Variants in PCNX2 observed in about 807,000 individuals in gnomAD.
PCNX2 encodes the protein pecanex-like protein 2.
Under a neutral mutation model 223.8 loss-of-function variants are expected in PCNX2, and 168 were observed. The ratio of observed to expected loss-of-function variants is 0.75; its 90% CI spans 0.66 to 0.85. PCNX2 has a LOEUF of 0.85. Ranked by LOEUF, PCNX2 falls within the 40% of genes least tolerant of loss-of-function variation. PCNX2 has a pLI of 0.00. For synonymous variants in PCNX2, 1,006 were observed against 1,052.6 expected, an observed-to-expected ratio of 0.96 and a Z score of 0.86; for missense variants, 2,507 against 2,675.5, an observed-to-expected ratio of 0.94 and a Z score of 1.39.
At chr1:233,195,086 T>C (rs1444741165) in intron 15 of PCNX2, among the ~76,000 whole-genome samples, 1 of 151,738 alleles carries the variant, frequency 6.6e-6, no homozygotes, top group Non-Finnish European at 1.5e-5. Flanking sequence ...AAAATATTGG[T>C]AAATAATATT....
chr1:233,082,538 C>T (rs765307179), intron 23 of PCNX2, among the ~76,000 whole-genome samples: 2 of 152,168 alleles, frequency 1.3e-5, no homozygotes, highest in African/African-American at 4.8e-5. Flanking sequence ...TATGGGGTAA[C>T]TTAACTGCAA....
chr1:233,049,197 C>T (rs1347209736), intron 25 of PCNX2, among the ~76,000 whole-genome samples: 1 of 152,072 alleles, frequency 6.6e-6, no homozygotes, highest in African/African-American at 2.4e-5. Flanking sequence ...AAGAAAATGA[C>T]AGGCCAATAT....
intron 19 of PCNX2, among the ~76,000 whole-genome samples, chr1:233,146,401 GA>G (rs1333225704): frequency 6.6e-6 from 1 of 152,080 alleles, no homozygotes; most frequent in Admixed American, 6.6e-5. Flanking sequence ...GTACTTTTCT[GA>G]TTATGAAATA....
At chr1:233,212,624 C>T (rs747565038) in intron 12 of PCNX2, among the ~76,000 whole-genome samples, 4 of 152,140 alleles carry the variant, frequency 2.6e-5, no homozygotes, top group South Asian at 2.1e-4. Context: ...CCGCTATCTC[C>T]TAGTTCACGT....
intron 1 of PCNX2, among the ~76,000 whole-genome samples, chr1:233,278,493 G>C (rs1343908206): frequency 6.6e-6 from 1 of 152,242 alleles, no homozygotes; most frequent in Non-Finnish European, 1.5e-5. Flanking sequence ...CACCATGATG[G>C]AAAGGGGGTC....
intron 28 of PCNX2, among the ~76,000 whole-genome samples, chr1:233,006,713 A>T (rs1670296661): frequency 6.6e-6 from 1 of 152,176 alleles, no homozygotes; most frequent in Non-Finnish European, 1.5e-5. Flanking sequence ...TTGTTTAGTT[A>T]ATTTCCAAAC....
Position 233,208,565 on chromosome 1 carries a change from T to A in PCNX2, c.2816A>T (p.Lys939Met), listed in dbSNP as rs371519936. 1.9e-4 allele frequency: 313 copies of A among 1,613,604 alleles called. 1 individual carries two copies. The highest frequency in any genetic ancestry group is 2.5e-4 in the Non-Finnish European group (296 of 1,179,832). ...TTGTAGAAACACTGGAGAGAAGAGC[T>A]TCAGGCCATACACAACGTAACTGGG... Reference protein sequence around the residue: ...HPPSYVVYGLKLFSPVFLQSA... With the variant: ...HPPSYVVYGLMLFSPVFLQSA... Residue 939 changes from lysine to methionine, a missense_variant, in exon 13 of 34, where the codon AAG becomes ATG. Coordinates refer to ENST00000258229, the MANE Select transcript of PCNX2 (RefSeq NM_014801.4).
At position 233,259,188 on chromosome 1, in the gene PCNX2, T is replaced by C. The variant is rs780725236; in HGVS notation, c.674A>G (p.Asn225Ser). The C allele has an allele frequency of 6.2e-7, 1 of 1,613,868 alleles. No homozygotes were observed. Among genetic ancestry groups the C allele is most frequent in the Non-Finnish European group, 8.5e-7 (1 of 1,179,882 alleles). Residue 225 changes from asparagine to serine, a missense_variant, in exon 5 of 34, where the codon AAT becomes AGT. Asn to Ser is a conservative substitution (Grantham distance 46). Coordinates refer to ENST00000258229, the MANE Select transcript of PCNX2 (RefSeq NM_014801.4). ...GCCTCCTCTTTCCTTTCCTTTACCA[T>C]TGATGAGAGTTTCTGTGGCAACTGG... ...VKPVATETLI[N>S]GKGKERGGKG...
chr1:233,195,058 G>T (rs747957133), intron 15 of PCNX2, among the ~76,000 whole-genome samples: 4 of 148,376 alleles, frequency 2.7e-5, no homozygotes, highest in Non-Finnish European at 6.0e-5. Context: ...AAACTTCATA[G>T]ACATCAAATT....
rs872184 is a variant in PCNX2, at chr1:233,126,407, C to T, written c.3837+8606G>A. On this transcript the variant is annotated intron_variant, in intron 21 of 33. Transcript: ENST00000258229. The surrounding 1 kb of genome is among the most constrained non-coding windows in gnomAD (Gnocchi z 4.8). ...CAAAAGGAAGAGGCAACATGATATG[C>T]ACTGTCATGGAAAAGTCTTCTAACA... Among the ~76,000 whole-genome samples, 28,474 of 151,910 alleles carry T rather than the reference C, an allele frequency of 0.19. 2,792 individuals carry two copies. Among genetic ancestry groups the T allele is most frequent in the East Asian group, 0.26 (1,355 of 5,156 alleles).
At chr1:233,229,201 A>C (rs1383978415) in intron 9 of PCNX2, among the ~76,000 whole-genome samples, 4 of 152,208 alleles carry the variant, frequency 2.6e-5, no homozygotes, top group African/African-American at 7.2e-5. Flanking sequence ...CCAGATGCTA[A>C]TCTGCTTACT....
In PCNX2 at chr1:233,288,140, GTTTAAAATTTACCA is replaced by G. The variant is rs577118268; in HGVS notation, c.153+7172_153+7185del. ...ACGATATAGCAATAAGATATTTAAT[GTTTAAAATTTACCA>G]TTTAGGAGACCAAATGATTAAAGCC... On this transcript the variant is annotated intron_variant, in intron 1 of 33. Transcript: ENST00000258229. Among the ~76,000 whole-genome samples the G allele has an allele frequency of 3.4e-3, 513 of 152,260 alleles. 3 individuals are homozygous for G. The highest frequency in any genetic ancestry group is 5.7e-3 in the Non-Finnish European group (388 of 68,006).
chr1:233,318,231 A>G, the PCNX2 span, among the ~76,000 whole-genome samples: 1 of 152,200 alleles, frequency 6.6e-6, no homozygotes, highest in African/African-American at 2.4e-5. Context: ...AAAAATAACT[A>G]AAAGTTGGGG....
chr1:233,002,887 A>C (rs1207494622), intron 28 of PCNX2, among the ~76,000 whole-genome samples: 1 of 149,468 alleles, frequency 6.7e-6, no homozygotes, highest in Non-Finnish European at 1.5e-5. Flanking sequence ...CAAACCTGAC[A>C]AAAACAAGCA....
intron 12 of PCNX2, chr1:233,211,786 C>T (rs1572085937): frequency 1.0e-6 from 1 of 985,384 alleles, no homozygotes; most frequent in South Asian, 4.7e-5. Context: ...ATACTCACCA[C>T]TCTTTAAACA....
chr1:233,212,933 C>T lies in PCNX2; in HGVS notation c.2692-4244G>A, dbSNP rs117952427. 5.6e-4 allele frequency among the ~76,000 whole-genome samples: 86 copies of T among 152,282 alleles called. 2 individuals are homozygous for T. The East Asian group carries it at 0.011, about 20-fold the overall frequency. ...ACATTAGCCAGGTGATCAAGGTCAA[C>T]ATCAACAGAGATAAGTCATATTGAT... On this transcript the variant is annotated intron_variant, in intron 12 of 33. Coordinates refer to ENST00000258229, the MANE Select transcript of PCNX2 (RefSeq NM_014801.4).
At chr1:233,040,513 CAT>C (rs552262692) in intron 25 of PCNX2, among the ~76,000 whole-genome samples, 196 of 152,316 alleles carry the variant, frequency 1.3e-3, no homozygotes, top group Middle Eastern at 0.01. Context: ...TCCTTTCACA[CAT>C]GTCTCCCACC....
intron 5 of PCNX2, 102 bp downstream of exon 5, chr1:233,257,926 A>T: frequency 7.1e-7 from 1 of 1,417,130 alleles, no homozygotes; most frequent in Non-Finnish European, 9.3e-7. Context: ...ATTGCCCAAG[A>T]GTTGTCTCAC....
chr1:233,049,771 C>A (rs1248326133), intron 25 of PCNX2, among the ~76,000 whole-genome samples: 1 of 152,024 alleles, frequency 6.6e-6, no homozygotes, highest in Non-Finnish European at 1.5e-5. Context: ...TTTCAGGATA[C>A]AAAATCAATG....
Sources: allele counts gnomAD v4.1 joint callset (sites outside exome capture counted in the v4.1 genomes callset), GRCh38; gene constraint gnomAD v4.1.1; non-coding constraint Gnocchi (gnomAD v3.1); transcripts MANE v1.5; gene names NCBI Gene and HGNC (gene_info 2026-07-23, HGNC 2026-07-21).